Variants in RIPOR3 observed in about 807,000 individuals in gnomAD.
The protein encoded by RIPOR3 is RIPOR family member 3, also known as family with sequence similarity 65 member C.
A neutral mutation model predicts 114.3 loss-of-function variants in RIPOR3; 95 were observed. The observed-to-expected ratio is 0.83, with a 90% CI of 0.70 to 0.99. The LOEUF (loss-of-function observed/expected upper bound fraction) is 0.99. Among genes scored for constraint, RIPOR3 ranks in the 50% least tolerant of loss-of-function variants. The pLI is 0.00. For missense variants in RIPOR3, 1,252 were observed against 1,266.9 expected (o/e 0.99, Z 0.18); for synonymous variants, 575 against 543.8 (o/e 1.06, Z -0.80).
intron 1 of RIPOR3, chr20:50,645,719 G>C (rs2426191): frequency 0.34 from 51,807 of 152,076 alleles, 9,895 homozygotes; most frequent in African/African-American, 0.52. Flanking sequence ...CAGGACTGCT[G>C]AGTCAACCCT....
At chr20:50,682,780 T>C (rs1257930476) in intron 1 of RIPOR3, among the ~76,000 whole-genome samples, 1 of 150,268 alleles carries the variant, frequency 6.7e-6, no homozygotes, top group Non-Finnish European at 1.5e-5. Flanking sequence ...CAGGCTGGAG[T>C]GCAGTGGAGC....
intron 1 of RIPOR3, among the ~76,000 whole-genome samples, chr20:50,643,875 G>A (rs1031566209): frequency 2.0e-4 from 30 of 151,896 alleles, no homozygotes; most frequent in African/African-American, 6.3e-4. Flanking sequence ...CACTGTGCCC[G>A]GCTAATTTTT....
chr20:50,669,972 C>A lies in RIPOR3; in HGVS notation c.3+21154G>T, dbSNP rs977722641. Among the ~76,000 whole-genome samples, 4 of 151,520 alleles carry A rather than the reference C, an allele frequency of 2.6e-5. 1 individual carries two copies. Among genetic ancestry groups the A allele is most frequent in the African/African-American group, 7.3e-5 (3 of 41,240 alleles). ...AGGAGTTCAAGACCAGCCTGGCCAA[C>A]CTGGCGAAACCCCATCTCTACTAAA... On this transcript the variant is annotated intron_variant, in intron 1 of 21. Transcript: ENST00000327979.
At chr20:50,605,706 AG>A (rs1196217105) in intron 11 of RIPOR3, among the ~76,000 whole-genome samples, 1 of 150,748 alleles carries the variant, frequency 6.6e-6, no homozygotes, top group Admixed American at 6.6e-5. Context: ...TGAGCCTGGG[AG>A]GTGGAGGCTG....
chr20:50,609,318 C>T lies in RIPOR3; in HGVS notation c.615G>A (p.Leu205=). 1 of 1,613,960 alleles carries T rather than the reference C, an allele frequency of 6.2e-7. No homozygotes were observed. The highest frequency in any genetic ancestry group is 1.1e-5 in the South Asian group (1 of 91,072). ...CTTTCATCCTGATGTGGAACTCGCC[C>T]AGGTGAACCTCCAGGGCCCCCTCGA... The part of the protein sequence containing the change: ...WLIEGALEVH[L]GEFHIRMKGL... Residue 205 remains leucine (L), a synonymous_variant, in exon 8 of 22, where the codon CTG becomes CTA. Transcript: ENST00000327979.
Position 50,602,485 on chromosome 20 carries a change from G to A in RIPOR3, c.1246C>T (p.Arg416Ter), listed in dbSNP as rs1397567101. 7.7e-6 allele frequency: 12 copies of A among 1,560,998 alleles called. No individual in the cohort carries two copies. The highest frequency in any genetic ancestry group is 1.7e-4 in the Middle Eastern group (1 of 5,758). ...EMDSFSSEDP[R>*]DTETSTSAST... ...GCCGACGTGCTGGTCTCCGTGTCTC[G>A]GGGGTCCTCAGAGCTGAAGGAGTCC... Residue 416 changes from arginine (R) to a stop codon, truncating the protein, a stop_gained, in exon 13 of 22, where the codon CGA (arginine) becomes TGA (stop). Coordinates refer to ENST00000327979, the MANE Select transcript of RIPOR3 (RefSeq NM_001290268.2). LOFTEE classifies it high-confidence loss of function. This position sits in a 1 kb window ranked among gnomAD's most constrained non-coding sequence, Gnocchi z 4.3.
In RIPOR3 at chr20:50,691,219, T is replaced by C; in HGVS notation, c.-91A>G. 1 of 1,287,268 alleles carries C rather than the reference T, an allele frequency of 7.8e-7. No homozygotes were observed. The highest frequency in any genetic ancestry group is 1.0e-6 in the Non-Finnish European group (1 of 987,026). The allele number at this position is 1,287,268 out of a possible 1,614,324, so 79.7% of individuals were successfully genotyped here. On this transcript the variant is annotated 5_prime_UTR_variant, in exon 1 of 22. An upstream start codon of the reference 5' UTR is lost. Transcript: ENST00000327979. ...TGCCGCCAGCAAGCGTCTGCTCCCA[T>C]CTGGCCCGGGACTCCCGGACTCGAG...
At chr20:50,630,149 G>A (rs552113649) in intron 2 of RIPOR3, among the ~76,000 whole-genome samples, 3 of 152,178 alleles carry the variant, frequency 2.0e-5, no homozygotes, top group African/African-American at 7.2e-5. Flanking sequence ...TGCATTTTTA[G>A]TAGAGACAGG....
intron 4 of RIPOR3, among the ~76,000 whole-genome samples, 180 bp downstream of exon 4, chr20:50,615,822 G>A (rs2426169): frequency 0.71 from 107,369 of 152,174 alleles, 37,983 homozygotes; most frequent in Middle Eastern, 0.83. Context: ...GGCCTAAAAC[G>A]TGTGAACTGC....
At chr20:50,638,685 G>A (rs148150727) in intron 1 of RIPOR3, among the ~76,000 whole-genome samples, 1 of 151,912 alleles carries the variant, frequency 6.6e-6, no homozygotes, top group Non-Finnish European at 1.5e-5. Flanking sequence ...GGGTGTGGGG[G>A]ATGAAGGAAG....
chr20:50,618,075 C>T (rs2084244673), intron 3 of RIPOR3, among the ~76,000 whole-genome samples: 1 of 151,832 alleles, frequency 6.6e-6, no homozygotes, highest in Admixed American at 6.6e-5. Flanking sequence ...ACCATCCTGA[C>T]CAATATGGTG....
chr20:50,602,774 G>C lies in RIPOR3; in HGVS notation c.1087-130C>G. ...CTCAGGATGACTGAGGCCTGCCGAG[G>C]TGACCAGCATCCCAGAGGTGCAGAA... is the stretch of plus-strand genomic sequence containing the variant. On this transcript the variant is annotated intron_variant, in intron 12 of 21. Transcript: ENST00000327979. This position sits in a 1 kb window ranked among gnomAD's most constrained non-coding sequence, Gnocchi z 4.3. 1 of 603,702 alleles carries C rather than the reference G, an allele frequency of 1.7e-6. No homozygotes were observed. The allele number at this position is 603,702 out of a possible 1,614,324, so 37.4% of individuals were successfully genotyped here.
intron 20 of RIPOR3, 93 bp downstream of exon 20, chr20:50,589,593 G>T: frequency 1.5e-6 from 2 of 1,340,162 alleles, no homozygotes; most frequent in Non-Finnish European, 2.1e-6. Flanking sequence ...ATCACGCCCA[G>T]CCCCAGTGGA....
chr20:50,629,737 AC>A (rs151155130), intron 2 of RIPOR3, among the ~76,000 whole-genome samples: 3,369 of 152,268 alleles, frequency 0.022, 54 homozygotes, highest in Non-Finnish European at 0.031. Flanking sequence ...AGCAGGGTGC[AC>A]CCACAATTCC....
chr20:50,668,871 A>T (rs1176783974), intron 1 of RIPOR3, among the ~76,000 whole-genome samples: 1 of 151,968 alleles, frequency 6.6e-6, no homozygotes, highest in African/African-American at 2.4e-5. Flanking sequence ...AAAAAAAAAA[A>T]TTCAGGAAAT....
chr20:50,643,802 T>C (rs1250497399), intron 1 of RIPOR3, among the ~76,000 whole-genome samples: 1 of 148,848 alleles, frequency 6.7e-6, no homozygotes, highest in Non-Finnish European at 1.5e-5. Context: ...GCCTCCCGGG[T>C]TCACGCCATT....
chr20:50,597,756 C>T, intron 13 of RIPOR3, 46 bp from the exon 14 acceptor site: 1 of 1,597,290 alleles, frequency 6.3e-7, no homozygotes, highest in Non-Finnish European at 8.5e-7. Flanking sequence ...GGGCCCCACC[C>T]ACCCGACTGG....
intron 20 of RIPOR3, among the ~76,000 whole-genome samples, chr20:50,588,212 G>A (rs914929407): frequency 3.9e-5 from 6 of 152,326 alleles, no homozygotes; most frequent in East Asian, 3.9e-4. Context: ...CCTCCCTCAC[G>A]CTCTCCTTGC....
At chr20:50,621,721 G>A (rs1232277364) in intron 2 of RIPOR3, among the ~76,000 whole-genome samples, 3 of 152,190 alleles carry the variant, frequency 2.0e-5, no homozygotes, top group Admixed American at 6.5e-5. Context: ...AAATCTCCAT[G>A]ACAGTGAGTT....
Sources: gnomAD v4.1 joint callset for allele counts (sites outside exome capture counted in the v4.1 genomes callset) on GRCh38, gnomAD v4.1.1 for gene constraint, Gnocchi (gnomAD v3.1) non-coding constraint, MANE v1.5 for transcripts, NCBI Gene and HGNC (gene_info 2026-07-23, HGNC 2026-07-21) for gene names.